Variants in TNR observed in about 807,000 individuals in gnomAD.
The protein encoded by TNR is tenascin R, also known as tenascin-R.
TNR carries 45 observed loss-of-function variants against 150.4 expected under a neutral mutation model. The observed-to-expected ratio is 0.30, with a 90% CI of 0.24 to 0.38. The LOEUF is 0.38. TNR is among the 10% of genes least tolerant of loss of function. The pLI is 1.00. For synonymous variants in TNR, 687 were observed against 678.4 expected, an observed-to-expected ratio of 1.01 and a Z score of -0.20; for missense variants, 1,544 against 1,759.1, an observed-to-expected ratio of 0.88 and a Z score of 2.19.
At chr1:175,716,138 G>C (rs1188072836) in intron 1 of TNR, among the ~76,000 whole-genome samples, 1 of 152,106 alleles carries the variant, frequency 6.6e-6, no homozygotes, top group Non-Finnish European at 1.5e-5. Flanking sequence ...CCTAGACCTA[G>C]GCTTTCCCAC....
At chr1:175,540,112 T>C (rs1220994747) in intron 1 of TNR, among the ~76,000 whole-genome samples, 3 of 152,050 alleles carry the variant, frequency 2.0e-5, no homozygotes. Context: ...ACTGTTTTGG[T>C]TTTCTGTTTT....
chr1:175,521,183 A>G (rs1206612447), intron 2 of TNR, among the ~76,000 whole-genome samples: 1 of 152,208 alleles, frequency 6.6e-6, no homozygotes, highest in Non-Finnish European at 1.5e-5. Flanking sequence ...TGCTCTCCAT[A>G]GAACCCTTCG....
chr1:175,590,464 G>C (rs59094556), intron 1 of TNR, among the ~76,000 whole-genome samples: 14 of 152,326 alleles, frequency 9.2e-5, no homozygotes, highest in African/African-American at 3.4e-4. Flanking sequence ...ACCTGGTCCT[G>C]TTGAGGCATT....
At chr1:175,698,030 C>T (rs937100304) in intron 1 of TNR, among the ~76,000 whole-genome samples, 2 of 152,208 alleles carry the variant, frequency 1.3e-5, no homozygotes, top group Admixed American at 6.5e-5. Flanking sequence ...TGAGAACATC[C>T]TTTTGCGGTC....
At chr1:175,471,202 T>C (rs1028158178) in intron 2 of TNR, among the ~76,000 whole-genome samples, 14 of 152,342 alleles carry the variant, frequency 9.2e-5, no homozygotes, top group South Asian at 8.3e-4. Context: ...CTCATTTATG[T>C]CCTTCCCTGC....
intron 1 of TNR, among the ~76,000 whole-genome samples, chr1:175,643,171 C>A (rs1336465313): frequency 6.6e-6 from 1 of 152,174 alleles, no homozygotes; most frequent in Non-Finnish European, 1.5e-5. Context: ...ATATTCCTGG[C>A]CTGCACCTCT....
At chr1:175,662,737 C>G (rs191574982) in intron 1 of TNR, among the ~76,000 whole-genome samples, 1 of 152,196 alleles carries the variant, frequency 6.6e-6, no homozygotes, top group South Asian at 2.1e-4. Context: ...ATTCCACAGT[C>G]TGGGTGTGGG....
At chr1:175,331,131 T>TCTCTCTC (rs1557868419) in intron 20 of TNR, among the ~76,000 whole-genome samples, 3 of 122,146 alleles carry the variant, frequency 2.5e-5, no homozygotes, top group African/African-American at 5.7e-5. Context: ...TCTTTCTTTC[T>TCTCTCTC]TTTCTTTCTT....
At position 175,558,163 on chromosome 1, in the gene TNR, C is replaced by A. The variant is rs187108608; in HGVS notation, c.-164-29794G>T. Among the ~76,000 whole-genome samples, 867 of 134,766 alleles carry A rather than the reference C, an allele frequency of 6.4e-3. 6 individuals carry two copies. Among genetic ancestry groups the A allele is most frequent in the African/African-American group, 0.022 (794 of 35,562 alleles). 88.4% of individuals were successfully genotyped at this position (134,766 alleles called of 152,430 possible). A position where few individuals can be genotyped will look rare whatever the true frequency, so the allele number is the denominator to read the frequency against. On this transcript the variant is annotated intron_variant, in intron 1 of 22. Coordinates refer to ENST00000367674, the MANE Select transcript of TNR (RefSeq NM_003285.3). Reference sequence around the variant, plus strand: ...GGGAGGGATAGCATTGGGAGATATACCTAATGCTAGATGACGAGTTAGTGG... The same window carrying A: ...GGGAGGGATAGCATTGGGAGATATAACTAATGCTAGATGACGAGTTAGTGG...
chr1:175,321,958 T>G lies in TNR; in HGVS notation c.*1399A>C, dbSNP rs2101976074. The G allele has an allele frequency of 6.6e-6, 1 of 152,270 alleles. No homozygotes were observed. Among genetic ancestry groups the G allele is most frequent in the African/African-American group, 2.4e-5 (1 of 41,550 alleles). The allele number at this position is 152,270 out of a possible 1,614,324, so 9.4% of individuals were successfully genotyped here. A position where few individuals can be genotyped will look rare whatever the true frequency, so the allele number is the denominator to read the frequency against. ...GGCATATACCTTCTTCTCCTGACTC[T>G]TATTAAGCCACCTACACTAAGGAGG... On this transcript the variant is annotated 3_prime_UTR_variant, in exon 23 of 23. Transcript: ENST00000367674.
At chr1:175,490,115 C>T (rs1255509648) in intron 2 of TNR, among the ~76,000 whole-genome samples, 6 of 152,262 alleles carry the variant, frequency 3.9e-5, no homozygotes. Flanking sequence ...CAAAAACAAG[C>T]AATGGGGAAA....
intron 2 of TNR, among the ~76,000 whole-genome samples, chr1:175,433,172 T>C (rs2102072467): frequency 6.6e-6 from 1 of 152,298 alleles, no homozygotes; most frequent in Non-Finnish European, 1.5e-5. Flanking sequence ...TCCACAATAC[T>C]AGTGCTGAAC....
intron 1 of TNR, among the ~76,000 whole-genome samples, chr1:175,556,033 A>T (rs966064047): frequency 6.6e-6 from 1 of 152,268 alleles, no homozygotes; most frequent in Admixed American, 6.5e-5. Flanking sequence ...TGTAGAAATT[A>T]TTGAATTGAG....
intron 2 of TNR, among the ~76,000 whole-genome samples, chr1:175,419,568 G>A (rs564439868): frequency 1.1e-4 from 16 of 152,108 alleles, no homozygotes; most frequent in African/African-American, 2.9e-4. Context: ...TGCAACCTCC[G>A]CCTCCCGGGT....
chr1:175,647,416 C>T (rs114132218), intron 1 of TNR, among the ~76,000 whole-genome samples: 7 of 143,404 alleles, frequency 4.9e-5, no homozygotes, highest in East Asian at 2.1e-4. Context: ...TTTGAAAATA[C>T]GCTTGTTACT....
chr1:175,360,002 C>T (rs1419313494), intron 14 of TNR, among the ~76,000 whole-genome samples: 1 of 152,216 alleles, frequency 6.6e-6, no homozygotes, highest in Non-Finnish European at 1.5e-5. Context: ...GTGCAGAATA[C>T]TGTGCCAGAT....
At chr1:175,563,681 G>A (rs924215994) in intron 1 of TNR, among the ~76,000 whole-genome samples, 9 of 152,102 alleles carry the variant, frequency 5.9e-5, no homozygotes, top group South Asian at 2.1e-4. Flanking sequence ...TTCATTCCTC[G>A]CTTTTGGCAA....
rs918778248 is a variant in TNR at position 175,324,512 on chromosome 1, G to T, written c.3801C>A (p.Ser1267=). The change falls in exon 22 of 23, where the codon TCC becomes TCA. Residue 1267 remains serine (S), a synonymous_variant. Coordinates refer to ENST00000367674, the MANE Select transcript of TNR (RefSeq NM_003285.3). ...IGSYNGTAGD[S]LSYHQGRPFS... is the part of the protein sequence containing the mutation. ...AAGGGCGTCCTTGATGATAGCTGAGGGAGTCCCCTGCAAAAAAGATACATT... is the reference window on the plus strand; with the variant it reads ...AAGGGCGTCCTTGATGATAGCTGAGTGAGTCCCCTGCAAAAAAGATACATT... The T allele has an allele frequency of 6.2e-7, 1 of 1,613,344 alleles. No homozygotes were observed. Among genetic ancestry groups the T allele is most frequent in the Non-Finnish European group, 8.5e-7 (1 of 1,179,680 alleles).
chr1:175,497,421 A>G (rs981080722), intron 2 of TNR, among the ~76,000 whole-genome samples: 1 of 152,256 alleles, frequency 6.6e-6, no homozygotes. Flanking sequence ...TTACTGGAGC[A>G]TGACAGGGTA....
Sources: allele counts gnomAD v4.1 joint callset (sites outside exome capture counted in the v4.1 genomes callset), GRCh38; gene constraint gnomAD v4.1.1; transcripts MANE v1.5; gene names NCBI Gene and HGNC (gene_info 2026-07-23, HGNC 2026-07-21).